Variants in COL8A1 observed in about 807,000 individuals in gnomAD.
COL8A1 encodes the protein collagen alpha-1(VIII) chain.
Under a neutral mutation model 42.7 loss-of-function variants are expected in COL8A1, and 21 were observed. The observed-to-expected ratio is 0.49, with a 90% confidence interval of 0.35 to 0.71. The LOEUF (loss-of-function observed/expected upper bound fraction) is 0.71, where lower values mean the gene tolerates loss of function less well. Among genes scored for constraint, COL8A1 ranks in the 30% least tolerant of loss-of-function variants. The probability of loss-of-function intolerance (pLI) is 0.01; values close to 1 mark genes in which losing one functional copy is unlikely to be tolerated. For synonymous variants in COL8A1, 367 were observed against 369.1 expected, an observed-to-expected ratio of 0.99 and a Z score of 0.06; for missense variants, 788 against 962.4, an observed-to-expected ratio of 0.82 and a Z score of 2.40.
chr3:99,652,819 T>C (rs1421761323), intron 1 of COL8A1, among the ~76,000 whole-genome samples: 1 of 152,238 alleles, frequency 6.6e-6, no homozygotes, highest in Non-Finnish European at 1.5e-5. Flanking sequence ...TGTAAATTTT[T>C]AAATGATAGT....
intron 1 of COL8A1, among the ~76,000 whole-genome samples, chr3:99,690,656 C>T (rs1112773): frequency 0.13 from 20,052 of 152,130 alleles, 1,446 homozygotes; most frequent in Middle Eastern, 0.17. Context: ...ATTGGCTACC[C>T]CTTTGCTTTG....
chr3:99,681,852 T>TA (rs1375577127), intron 1 of COL8A1, among the ~76,000 whole-genome samples: 1 of 152,094 alleles, frequency 6.6e-6, no homozygotes, highest in Non-Finnish European at 1.5e-5. Flanking sequence ...AACAGCCCTG[T>TA]AAAAAAAGTG....
intron 2 of COL8A1, among the ~76,000 whole-genome samples, chr3:99,754,274 T>C (rs1191458548): frequency 2.0e-5 from 3 of 152,164 alleles, no homozygotes; most frequent in Admixed American, 6.6e-5. Context: ...ATCTATGAAG[T>C]AGAAAAAATA....
At chr3:99,747,235 G>T (rs11915499) in intron 2 of COL8A1, among the ~76,000 whole-genome samples, 13,946 of 152,164 alleles carry the variant, frequency 0.092, 828 homozygotes, top group Non-Finnish European at 0.13. Context: ...TTGGTAGACA[G>T]ATTATATATT....
chr3:99,796,933 T>C lies in COL8A1; in HGVS notation c.*797T>C, dbSNP rs1576481423. 1 of 152,138 alleles carries C rather than the reference T, an allele frequency of 6.6e-6. No individual in the cohort carries two copies. The highest frequency in any genetic ancestry group is 1.5e-5 in the Non-Finnish European group (1 of 68,016). The allele number at this position is 152,138 out of a possible 1,614,324, so 9.4% of individuals were successfully genotyped here. ...TAATTAACTCACTTGTTCCCCAGAG[T>C]TTCTATTTGTTTTGATTTTCTTTTT... On this transcript the variant is annotated 3_prime_UTR_variant, in exon 4 of 4. Transcript: ENST00000652472.
chr3:99,700,057 C>T (rs1292708151), intron 1 of COL8A1, among the ~76,000 whole-genome samples: 1 of 152,164 alleles, frequency 6.6e-6, no homozygotes, highest in Non-Finnish European at 1.5e-5. Context: ...GACTCCAATG[C>T]AGTCGGTCTG....
intron 2 of COL8A1, among the ~76,000 whole-genome samples, chr3:99,780,930 G>A (rs892163676): frequency 2.0e-5 from 3 of 152,132 alleles, no homozygotes; most frequent in Non-Finnish European, 4.4e-5. Context: ...GTTGCTCTCC[G>A]AGCTTTGCCT....
At chr3:99,657,950 AACC>A (rs1199316981) in intron 1 of COL8A1, among the ~76,000 whole-genome samples, 4 of 152,030 alleles carry the variant, frequency 2.6e-5, no homozygotes, top group Non-Finnish European at 5.9e-5. Context: ...AACATGGTGA[AACC>A]ACGTCTCTAC....
chr3:99,701,716 G>A (rs1414062439), intron 1 of COL8A1, among the ~76,000 whole-genome samples: 1 of 152,146 alleles, frequency 6.6e-6, no homozygotes, highest in Non-Finnish European at 1.5e-5. Flanking sequence ...TATAACTCTA[G>A]AAATCATTAA....
intron 1 of COL8A1, among the ~76,000 whole-genome samples, chr3:99,660,336 T>A (rs1938166947): frequency 6.6e-6 from 1 of 152,216 alleles, no homozygotes; most frequent in South Asian, 2.1e-4. Context: ...ATCATGATTA[T>A]CTTCCTATAA....
rs17834371 is a variant in COL8A1, at chr3:99,684,886, G to C, written c.-129+46222G>C. Among the ~76,000 whole-genome samples the C allele has an allele frequency of 2.4e-4, 36 of 152,254 alleles. No homozygotes were observed. In the East Asian group the frequency reaches 5.0e-3, roughly 21 times the overall value. On this transcript the variant is annotated intron_variant, in intron 1 of 3. Transcript: ENST00000652472. ...ATTTTTGGACTGGATTAGCATGACT[G>C]AATTATCATCCTATTTGCTGGCGTA...
intron 2 of COL8A1, among the ~76,000 whole-genome samples, chr3:99,759,687 C>G (rs1941329972): frequency 6.6e-6 from 1 of 152,174 alleles, no homozygotes; most frequent in South Asian, 2.1e-4. Flanking sequence ...AAAGCTGTAT[C>G]TACATGACAC....
intron 2 of COL8A1, among the ~76,000 whole-genome samples, chr3:99,757,402 T>C (rs1941275357): frequency 6.6e-6 from 1 of 152,166 alleles, no homozygotes; most frequent in South Asian, 2.1e-4. Context: ...CTTAGGTTCC[T>C]ACAGATTTTA....
At chr3:99,655,219 C>A (rs970852274) in intron 1 of COL8A1, among the ~76,000 whole-genome samples, 1 of 152,188 alleles carries the variant, frequency 6.6e-6, no homozygotes, top group Non-Finnish European at 1.5e-5. Context: ...CTCTACCCAG[C>A]AGAAGGCTCT....
At chr3:99,706,641 T>C (rs1395614145) in intron 1 of COL8A1, among the ~76,000 whole-genome samples, 1 of 152,204 alleles carries the variant, frequency 6.6e-6, no homozygotes, top group African/African-American at 2.4e-5. Flanking sequence ...ACTGGTTAAG[T>C]CCAGAGTTTG....
intron 2 of COL8A1, among the ~76,000 whole-genome samples, chr3:99,774,569 A>G (rs1028642437): frequency 6.6e-6 from 1 of 152,178 alleles, no homozygotes; most frequent in Non-Finnish European, 1.5e-5. Context: ...ATGAGATTGT[A>G]AAAATGTTGG....
chr3:99,665,768 G>A (rs1434247355), intron 1 of COL8A1, among the ~76,000 whole-genome samples: 6 of 133,686 alleles, frequency 4.5e-5, no homozygotes, highest in Admixed American at 1.8e-4. Context: ...TGCAACCTCC[G>A]CCTCCCGGGT....
intron 1 of COL8A1, among the ~76,000 whole-genome samples, chr3:99,675,317 A>G (rs1640353867): frequency 6.6e-6 from 1 of 152,048 alleles, no homozygotes; most frequent in Admixed American, 6.6e-5. Flanking sequence ...ATTATAGAAG[A>G]TTAGGAGTGC....
At chr3:99,757,699 G>T (rs1941281077) in intron 2 of COL8A1, among the ~76,000 whole-genome samples, 1 of 152,050 alleles carries the variant, frequency 6.6e-6, no homozygotes, top group South Asian at 2.1e-4. Context: ...GAGTACCTAT[G>T]GATGAAAACT....
Sources: allele counts gnomAD v4.1 joint callset (sites outside exome capture counted in the v4.1 genomes callset), GRCh38; gene constraint gnomAD v4.1.1; transcripts MANE v1.5; gene names NCBI Gene and HGNC (gene_info 2026-07-23, HGNC 2026-07-21).